The following KSR2 variants were observed in gnomAD, a reference collection of about 807,000 sequenced individuals.
KSR2 encodes the protein kinase suppressor of ras 2.
A neutral mutation model predicts 107.8 loss-of-function variants in KSR2; 25 were observed. That is an observed-to-expected ratio of 0.23 (90% CI 0.17 to 0.32). The LOEUF (loss-of-function observed/expected upper bound fraction) is 0.32, where lower values mean the gene tolerates loss of function less well. KSR2 is among the 10% of genes least tolerant of loss of function. The pLI is 1.00. For missense variants in KSR2, 887 were observed against 1,268.9 expected, an observed-to-expected ratio of 0.70 and a Z score of 4.57; for synonymous variants, 480 against 507.0, an observed-to-expected ratio of 0.95 and a Z score of 0.71.
At position 117,968,287 on chromosome 12, in the gene KSR2, T is replaced by G. The variant is rs776603140; in HGVS notation, c.-32A>C. ...CTCTGCAACCCCCTTCCCCTCCTCCTCCTCCCAGAGAGAAAAAAGAGGGGG... is the reference window on the plus strand; with the variant it reads ...CTCTGCAACCCCCTTCCCCTCCTCCGCCTCCCAGAGAGAAAAAAGAGGGGG... On this transcript the variant is annotated 5_prime_UTR_variant, in exon 1 of 20. Transcript: ENST00000339824. 1 of 429,412 alleles carries G rather than the reference T, an allele frequency of 2.3e-6. No homozygotes were observed. Among genetic ancestry groups the G allele is most frequent in the South Asian group, 2.6e-5 (1 of 38,918 alleles). 26.6% of individuals were successfully genotyped at this position (429,412 alleles called of 1,614,324 possible). A position where few individuals can be genotyped will look rare whatever the true frequency, so the allele number is the denominator to read the frequency against.
rs558468808 is a variant in KSR2, at chr12:117,502,310, TG to T, written c.2220-16620del. ...GCCCATCTATGTCTATGTATCTGTA[TG>T]TTTTTTTGTGACCTGACTTGGGGAC... is the stretch of plus-strand genomic sequence containing the variant. On this transcript the variant is annotated intron_variant, in intron 14 of 19. Transcript: ENST00000339824. Among the ~76,000 whole-genome samples the T allele has an allele frequency of 3.2e-4, 48 of 152,376 alleles. No homozygotes were observed. The South Asian group carries it at 8.5e-3, about 27-fold the overall frequency.
At chr12:117,957,883 G>A (rs1896560989) in intron 1 of KSR2, among the ~76,000 whole-genome samples, 2 of 148,260 alleles carry the variant, frequency 1.3e-5, no homozygotes, top group Non-Finnish European at 3.0e-5. Flanking sequence ...CCAGGCTGGA[G>A]TACAGTGATG....
intron 7 of KSR2, among the ~76,000 whole-genome samples, chr12:117,575,577 G>C (rs539485077): frequency 6.6e-6 from 1 of 152,284 alleles, no homozygotes; most frequent in Admixed American, 6.5e-5. Flanking sequence ...TGCAAAAACT[G>C]CAGGAATTTA....
intron 6 of KSR2, among the ~76,000 whole-genome samples, chr12:117,580,316 CCCTTTCT>C (rs1199872390): frequency 6.6e-6 from 1 of 152,170 alleles, no homozygotes; most frequent in Non-Finnish European, 1.5e-5. Flanking sequence ...TTGGTCAAGC[CCCTTTCT>C]TTCCCTTCAG....
intron 1 of KSR2, among the ~76,000 whole-genome samples, chr12:117,930,691 G>A (rs548319743): frequency 5.9e-5 from 9 of 152,290 alleles, no homozygotes; most frequent in Non-Finnish European, 1.2e-4. Flanking sequence ...CAAGGCAGGT[G>A]GGTCACCTGA....
chr12:117,968,587 G>C lies in KSR2; in HGVS notation c.-332C>G. On this transcript the variant is annotated 5_prime_UTR_variant, in exon 1 of 20. Transcript: ENST00000339824. ...TGCTGTCTGTACACTTAGGGAGGAG[G>C]AGGAGGAGGAAAAAGAAGAGGAGAA... 1.5e-6 allele frequency: 1 copy of C among 653,912 alleles called. No individual in the cohort carries two copies. The highest frequency in any genetic ancestry group is 2.0e-6 in the Non-Finnish European group (1 of 494,706). The allele number at this position is 653,912 out of a possible 1,614,324, so 40.5% of individuals were successfully genotyped here.
chr12:117,700,956 C>A (rs531556451), intron 4 of KSR2, among the ~76,000 whole-genome samples: 46 of 152,332 alleles, frequency 3.0e-4, no homozygotes, highest in African/African-American at 9.6e-4. Context: ...CTCTCCATCA[C>A]CCCAGGAGAT....
At chr12:117,697,205 T>C (rs911401875) in intron 4 of KSR2, among the ~76,000 whole-genome samples, 1 of 152,218 alleles carries the variant, frequency 6.6e-6, no homozygotes, top group Non-Finnish European at 1.5e-5. Flanking sequence ...AGCTCTTTAT[T>C]TGCAAGTTTA....
At chr12:117,651,781 C>T (rs1883916098) in intron 5 of KSR2, among the ~76,000 whole-genome samples, 1 of 152,142 alleles carries the variant, frequency 6.6e-6, no homozygotes, top group South Asian at 2.1e-4. Context: ...AGAAGATATA[C>T]CCTTGACCAA....
At position 117,693,507 on chromosome 12, in the gene KSR2, G is replaced by A. The variant is rs193043440; in HGVS notation, c.987-25849C>T. On this transcript the variant is annotated intron_variant, in intron 4 of 19. Coordinates refer to ENST00000339824, the MANE Select transcript of KSR2 (RefSeq NM_173598.6). ...TCTCTGCTCAGGTCACTGAAGATGG[G>A]TGGCTGCTTCAAAAGACCACCTCAA... Among the ~76,000 whole-genome samples, 1,475 of 152,248 alleles carry A rather than the reference G, an allele frequency of 9.7e-3. 28 individuals are homozygous for A. Among genetic ancestry groups the A allele is most frequent in the Middle Eastern group, 0.014 (4 of 294 alleles).
intron 14 of KSR2, among the ~76,000 whole-genome samples, chr12:117,500,019 G>A (rs374979229): frequency 3.3e-5 from 5 of 152,168 alleles, no homozygotes; most frequent in Admixed American, 6.5e-5. Flanking sequence ...GGTCAGGTCC[G>A]TTGCTTGGTG....
At chr12:117,885,531 T>C (rs1894148666) in intron 1 of KSR2, among the ~76,000 whole-genome samples, 1 of 152,108 alleles carries the variant, frequency 6.6e-6, no homozygotes. Flanking sequence ...TGTTTTTTTA[T>C]AATATGCATA....
chr12:117,748,171 A>T (rs1888481386), intron 4 of KSR2, among the ~76,000 whole-genome samples: 1 of 152,238 alleles, frequency 6.6e-6, no homozygotes, highest in African/African-American at 2.4e-5. Flanking sequence ...GTGAACCTGG[A>T]GGATACCATG....
chr12:117,531,127 C>G, intron 11 of KSR2, 114 bp from the exon 12 acceptor site: 1 of 840,656 alleles, frequency 1.2e-6, no homozygotes. Context: ...TGGATCTCTG[C>G]CCTTGGCCAA....
intron 14 of KSR2, among the ~76,000 whole-genome samples, chr12:117,521,163 T>G (rs372451352): frequency 6.6e-6 from 1 of 152,198 alleles, no homozygotes; most frequent in Non-Finnish European, 1.5e-5. Flanking sequence ...CAGTCTTTTT[T>G]CTGGAATCTG....
chr12:117,956,056 C>G (rs1183555211), intron 1 of KSR2, among the ~76,000 whole-genome samples: 1 of 151,032 alleles, frequency 6.6e-6, no homozygotes, highest in Non-Finnish European at 1.5e-5. Flanking sequence ...CGAGACCATC[C>G]TGGCTAACAC....
intron 16 of KSR2, among the ~76,000 whole-genome samples, chr12:117,477,609 A>G (rs1871868324): frequency 6.6e-6 from 1 of 152,244 alleles, no homozygotes; most frequent in African/African-American, 2.4e-5. Flanking sequence ...ACTGTGAGCT[A>G]AGATCTACGT....
At chr12:117,933,832 C>T (rs1895763164) in intron 1 of KSR2, among the ~76,000 whole-genome samples, 1 of 152,106 alleles carries the variant, frequency 6.6e-6, no homozygotes, top group African/African-American at 2.4e-5. Flanking sequence ...GCCCAAGCGA[C>T]ACACAGCAAG....
chr12:117,590,582 T>G (rs1880261152), intron 5 of KSR2, among the ~76,000 whole-genome samples: 1 of 152,240 alleles, frequency 6.6e-6, no homozygotes, highest in Non-Finnish European at 1.5e-5. Context: ...TCATCATCAC[T>G]CTGCCTCTTG....
Sources: allele counts gnomAD v4.1 joint callset (sites outside exome capture counted in the v4.1 genomes callset), GRCh38; gene constraint gnomAD v4.1.1; transcripts MANE v1.5; gene names NCBI Gene and HGNC (gene_info 2026-07-23, HGNC 2026-07-21).